The following ZDHHC2 variants were observed in gnomAD, a reference collection of about 807,000 sequenced individuals.
ZDHHC2 encodes zDHHC palmitoyltransferase 2, also known as palmitoyltransferase ZDHHC2.
In ZDHHC2, 51 loss-of-function variants were observed where a neutral mutation model predicts 55.6. The observed-to-expected ratio is 0.92, with a 90% CI of 0.73 to 1.16. The LOEUF (loss-of-function observed/expected upper bound fraction) is 1.16, where lower values mean the gene tolerates loss of function less well. ZDHHC2 is among the 50% of genes most tolerant of loss of function. The pLI is 0.00. For missense variants in ZDHHC2, 491 were observed against 442.4 expected, an observed-to-expected ratio of 1.11 and a Z score of -0.99; for synonymous variants, 199 against 152.9, an observed-to-expected ratio of 1.30 and a Z score of -2.22.
chr8:17,165,019 G>A (rs1804534870), intron 1 of ZDHHC2, among the ~76,000 whole-genome samples: 1 of 152,168 alleles, frequency 6.6e-6, no homozygotes, highest in African/African-American at 2.4e-5. Context: ...AGATTTGTAG[G>A]GATGTGAGGA....
At position 17,197,682 on chromosome 8, in the gene ZDHHC2, A is replaced by G. The variant is rs200467181; in HGVS notation, c.443+31A>G. The G allele has an allele frequency of 1.5e-5, 24 of 1,581,530 alleles. No homozygotes were observed. In the African/African-American group the frequency reaches 3.0e-4, roughly 20 times the overall value. ...AGAACCTTTAACTTCTAAAATATCTACATGCTGGTGGTCTTTTTCTTCATT... is the reference window on the plus strand; with the variant it reads ...AGAACCTTTAACTTCTAAAATATCTGCATGCTGGTGGTCTTTTTCTTCATT... On this transcript the variant is annotated intron_variant, in intron 5 of 12. Coordinates refer to ENST00000262096, the MANE Select transcript of ZDHHC2 (RefSeq NM_016353.5).
chr8:17,200,131 A>G (rs565246175), intron 6 of ZDHHC2, among the ~76,000 whole-genome samples: 1 of 151,982 alleles, frequency 6.6e-6, no homozygotes, highest in Non-Finnish European at 1.5e-5. Flanking sequence ...CTGTATCCCC[A>G]TGACCCACCT....
chr8:17,188,523 A>C (rs981222022), intron 3 of ZDHHC2, among the ~76,000 whole-genome samples: 1 of 152,124 alleles, frequency 6.6e-6, no homozygotes, highest in Non-Finnish European at 1.5e-5. Flanking sequence ...TTTTCCATTC[A>C]TACTGGCAGC....
chr8:17,218,646 T>C (rs754236692), intron 12 of ZDHHC2, among the ~76,000 whole-genome samples: 10 of 152,158 alleles, frequency 6.6e-5, no homozygotes, highest in Non-Finnish European at 1.5e-4. Flanking sequence ...AACATTGAAA[T>C]TAAAAATCTG....
chr8:17,206,028 A>T (rs1299167059), intron 7 of ZDHHC2, among the ~76,000 whole-genome samples: 1 of 152,186 alleles, frequency 6.6e-6, no homozygotes, highest in African/African-American at 2.4e-5. Flanking sequence ...CCCCATGCCC[A>T]TTCCCAGTTG....
chr8:17,187,412 T>TA lies in ZDHHC2; in HGVS notation c.252+998dup, dbSNP rs879557575. ...CAGTGTAGTTTTAGTAAGCCAAGTTTAAAAAAAAAAAGCATCACTGTAGAC... is the reference window on the plus strand; with the variant it reads ...CAGTGTAGTTTTAGTAAGCCAAGTTTAAAAAAAAAAAAGCATCACTGTAGAC... On this transcript the variant is annotated intron_variant, in intron 3 of 12. Transcript: ENST00000262096. Among the ~76,000 whole-genome samples, 103 of 145,892 alleles carry TA rather than the reference T, an allele frequency of 7.1e-4. 1 individual carries two copies. The highest frequency in any genetic ancestry group is 2.0e-3 in the African/African-American group (78 of 39,886).
intron 6 of ZDHHC2, among the ~76,000 whole-genome samples, chr8:17,200,642 A>G (rs1334404915): frequency 6.6e-6 from 1 of 152,356 alleles, no homozygotes; most frequent in South Asian, 2.1e-4. Flanking sequence ...ATAATAATTT[A>G]TCATTATAGT....
chr8:17,204,098 G>A (rs775765005), intron 6 of ZDHHC2, among the ~76,000 whole-genome samples: 3 of 152,166 alleles, frequency 2.0e-5, no homozygotes, highest in Non-Finnish European at 1.5e-5. Flanking sequence ...GAGCCACCAC[G>A]CCCAGCCAAC....
intron 1 of ZDHHC2, among the ~76,000 whole-genome samples, chr8:17,180,440 C>A (rs1048920279): frequency 6.6e-6 from 1 of 152,044 alleles, no homozygotes; most frequent in African/African-American, 2.4e-5. Context: ...TATTTTTGTT[C>A]AACATTTTGC....
intron 1 of ZDHHC2, among the ~76,000 whole-genome samples, chr8:17,171,392 A>G (rs947524570): frequency 6.6e-6 from 1 of 152,124 alleles, no homozygotes; most frequent in African/African-American, 2.4e-5. Context: ...CTGAGATCAG[A>G]TTTCCTTATT....
At chr8:17,165,937 C>T (rs1804578666) in intron 1 of ZDHHC2, among the ~76,000 whole-genome samples, 2 of 152,090 alleles carry the variant, frequency 1.3e-5, no homozygotes, top group South Asian at 4.2e-4. Context: ...GTCAGCCCAG[C>T]ATGTGTGAGG....
intron 1 of ZDHHC2, among the ~76,000 whole-genome samples, chr8:17,171,140 G>C (rs1418600323): frequency 6.6e-6 from 1 of 152,180 alleles, no homozygotes; most frequent in Admixed American, 6.5e-5. Context: ...GAATTGGAAA[G>C]GAGGGGGGTG....
intron 1 of ZDHHC2, among the ~76,000 whole-genome samples, chr8:17,179,896 T>C (rs1234175214): frequency 6.6e-6 from 1 of 152,214 alleles, no homozygotes; most frequent in Non-Finnish European, 1.5e-5. Flanking sequence ...GATTAGAAAT[T>C]GCTAAAGCAA....
Position 17,169,493 on chromosome 8 carries a change from A to T in ZDHHC2, c.130+12640A>T, listed in dbSNP as rs1343227589. 2.6e-5 allele frequency among the ~76,000 whole-genome samples: 4 copies of T among 152,350 alleles called. No individual in the cohort carries two copies. In the South Asian group the frequency reaches 6.2e-4, roughly 24 times the overall value. On this transcript the variant is annotated intron_variant, in intron 1 of 12. Transcript: ENST00000262096. The stretch of plus-strand genomic sequence containing the variant: ...AGCACAGAAATGACAGATGGAAATT[A>T]AATCTTGAAAGAACATATTAGCAGA...
intron 1 of ZDHHC2, among the ~76,000 whole-genome samples, chr8:17,180,911 C>T (rs769096869): frequency 5.9e-5 from 9 of 152,286 alleles, no homozygotes; most frequent in African/African-American, 1.2e-4. Context: ...AACTTATAGA[C>T]CCTGTCTGTC....
intron 1 of ZDHHC2, among the ~76,000 whole-genome samples, chr8:17,173,325 A>G (rs139326362): frequency 6.6e-6 from 1 of 152,338 alleles, no homozygotes; most frequent in East Asian, 1.9e-4. Context: ...ATTTGAAATG[A>G]TAATAATACC....
chr8:17,162,628 T>C (rs867083771), intron 1 of ZDHHC2, among the ~76,000 whole-genome samples: 4 of 152,176 alleles, frequency 2.6e-5, no homozygotes, highest in Admixed American at 6.5e-5. Flanking sequence ...AGAAATGATT[T>C]ACAAGATAAC....
At chr8:17,210,662 C>T (rs1391154874) in intron 10 of ZDHHC2, among the ~76,000 whole-genome samples, 182 bp downstream of exon 10, 2 of 152,122 alleles carry the variant, frequency 1.3e-5, no homozygotes, top group East Asian at 3.9e-4. Flanking sequence ...TTCAATTATA[C>T]TTGTAAAATG....
intron 1 of ZDHHC2, among the ~76,000 whole-genome samples, chr8:17,166,020 T>C (rs1273215935): frequency 6.6e-6 from 1 of 152,032 alleles, no homozygotes; most frequent in East Asian, 1.9e-4. Flanking sequence ...GTCAGAGATG[T>C]GGGGAGAAAG....
Sources: gnomAD v4.1 joint callset for allele counts (sites outside exome capture counted in the v4.1 genomes callset) on GRCh38, gnomAD v4.1.1 for gene constraint, MANE v1.5 for transcripts, NCBI Gene and HGNC (gene_info 2026-07-23, HGNC 2026-07-21) for gene names.